Variants in PURG observed in about 807,000 individuals in gnomAD.
PURG encodes the protein purine rich element binding protein G.
PURG carries 3 observed loss-of-function variants against 24.3 expected under a neutral mutation model. That is an observed-to-expected ratio of 0.12 (90% CI 0.06 to 0.32). The LOEUF (loss-of-function observed/expected upper bound fraction) is 0.32. PURG is among the 10% of genes least tolerant of loss of function. The pLI is 1.00. For synonymous variants in PURG, 180 were observed against 173.1 expected (o/e 1.04, Z -0.31); for missense variants, 371 against 439.1 (o/e 0.84, Z 1.39).
intron 1 of PURG, among the ~76,000 whole-genome samples, chr8:31,004,766 T>C (rs572518350): frequency 7.2e-5 from 11 of 152,340 alleles, no homozygotes; most frequent in African/African-American, 2.4e-4. Context: ...ATGGAAACAG[T>C]CATAGGTTTA....
At chr8:31,021,295 T>C (rs1047919501) in intron 1 of PURG, among the ~76,000 whole-genome samples, 2 of 152,160 alleles carry the variant, frequency 1.3e-5, no homozygotes, top group Non-Finnish European at 2.9e-5. Flanking sequence ...TGTAGACCCA[T>C]GGTGAATAGT....
At chr8:30,996,835 A>C in intron 1 of PURG, 2 of 677,812 alleles carry the variant, frequency 3.0e-6, no homozygotes, top group Non-Finnish European at 4.8e-6. Context: ...CTCAATTTTT[A>C]GTTGTGTCTA....
rs1209321395 is a variant in PURG at position 31,031,818 on chromosome 8, C to T, written c.965G>A (p.Arg322Lys). 2 of 1,565,972 alleles carry T rather than the reference C, an allele frequency of 1.3e-6. No individual in the cohort carries two copies. Among genetic ancestry groups the T allele is most frequent in the Non-Finnish European group, 1.7e-6 (2 of 1,154,368 alleles). Residue 322 changes from arginine (R) to lysine (K), a missense_variant, in exon 2 of 2, where the codon AGG becomes AAG. Physicochemically the swap from Arg to Lys is conservative, Grantham distance 26. Coordinates refer to ENST00000523392, the MANE Select transcript of PURG (RefSeq NM_001323311.2). ...TTCTTTATGGCTGTTGCAAATTTTC[C>T]TCATCTCTTCTTCATACTTGATAAA... ...ENFIKYEEEMRKICNSHKEKR... is the reference protein window; with the variant it reads ...ENFIKYEEEMKKICNSHKEKR...
At chr8:31,021,887 CTTAA>C (rs1810998452) in intron 1 of PURG, among the ~76,000 whole-genome samples, 1 of 151,822 alleles carries the variant, frequency 6.6e-6, no homozygotes, top group Non-Finnish European at 1.5e-5. Flanking sequence ...ACTAATAAAT[CTTAA>C]TTGACTCTTC....
rs1585372325 is a variant in PURG, at chr8:31,032,259, T to C, written c.524A>G (p.Tyr175Cys). ...EHPHSVLKTD[Y>C]IERDNRKYYL... ...ATATTTCCTATTGTCCCTCTCGATA[T>C]AGTCTGTTTTCAGGACACTGTGAGG... Residue 175 changes from tyrosine to cysteine, a missense_variant, in exon 2 of 2, where the codon TAT becomes TGT. Transcript: ENST00000523392. The surrounding 1 kb of genome is among the most constrained non-coding windows in gnomAD (Gnocchi z 5.9). 2 of 1,614,096 alleles carry C rather than the reference T, an allele frequency of 1.2e-6. No individual in the cohort carries two copies. Among genetic ancestry groups the C allele is most frequent in the Non-Finnish European group, 1.7e-6 (2 of 1,180,018 alleles).
At chr8:31,015,751 G>A (rs1259957369) in intron 1 of PURG, among the ~76,000 whole-genome samples, 1 of 152,168 alleles carries the variant, frequency 6.6e-6, no homozygotes, top group African/African-American at 2.4e-5. Flanking sequence ...TAGCCTCTCT[G>A]TGTTTAAAGT....
At chr8:31,024,773 AGATTTATACCATTATTTT>A (rs1330517377) in intron 1 of PURG, among the ~76,000 whole-genome samples, 1 of 152,120 alleles carries the variant, frequency 6.6e-6, no homozygotes, top group African/African-American at 2.4e-5. Context: ...TAAGATAATC[AGATTTATACCATTATTTT>A]GATAAAGACA....
chr8:31,002,192 A>G (rs2129774004), intron 1 of PURG, among the ~76,000 whole-genome samples: 1 of 152,344 alleles, frequency 6.6e-6, no homozygotes, highest in Admixed American at 6.5e-5. Context: ...TTAGGGCAGG[A>G]AAGCTAAGAC....
chr8:31,006,728 TAGTG>T (rs1355766375), intron 1 of PURG, among the ~76,000 whole-genome samples: 2 of 152,132 alleles, frequency 1.3e-5, no homozygotes, highest in South Asian at 2.1e-4. Flanking sequence ...AAAATAAAAA[TAGTG>T]AGCAATTTCC....
At chr8:31,010,949 C>CT (rs1810749847) in intron 1 of PURG, among the ~76,000 whole-genome samples, 1 of 152,082 alleles carries the variant, frequency 6.6e-6, no homozygotes, top group Non-Finnish European at 1.5e-5. Context: ...TCATGATTAA[C>CT]TGAATTTATC....
chr8:31,017,519 T>C (rs184345369), intron 1 of PURG, among the ~76,000 whole-genome samples: 5 of 152,266 alleles, frequency 3.3e-5, no homozygotes, highest in South Asian at 4.1e-4. Context: ...ATATAGTTTA[T>C]AGATGTTTGT....
Position 31,009,141 on chromosome 8 carries a change from T to A in PURG, c.865-12444A>T, listed in dbSNP as rs568873075. ...GCCATAAATACAGAAACAGAATAAT[T>A]CGGACAGGTGCAGTGGCTCACACTT... On this transcript the variant is annotated intron_variant, in intron 1 of 1. Transcript: ENST00000339382. Among the ~76,000 whole-genome samples, 4 of 152,162 alleles carry A rather than the reference T, an allele frequency of 2.6e-5. No homozygotes were observed. In the South Asian group the frequency reaches 8.3e-4, roughly 32 times the overall value.
At chr8:31,002,305 T>C (rs965937800) in intron 1 of PURG, among the ~76,000 whole-genome samples, 21 of 152,196 alleles carry the variant, frequency 1.4e-4, no homozygotes, top group Non-Finnish European at 2.8e-4. Flanking sequence ...TTATGCTAAC[T>C]GGTTCTTCCT....
intron 1 of PURG, among the ~76,000 whole-genome samples, chr8:31,024,829 C>T (rs1233401095): frequency 6.6e-6 from 1 of 151,874 alleles, no homozygotes; most frequent in Non-Finnish European, 1.5e-5. Flanking sequence ...TTTTTTTCCC[C>T]AGTCTTACAC....
chr8:31,025,821 T>A (rs1811078261), intron 1 of PURG, among the ~76,000 whole-genome samples: 1 of 151,932 alleles, frequency 6.6e-6, no homozygotes, highest in African/African-American at 2.4e-5. Flanking sequence ...AAAAATTATA[T>A]TGACCATTTT....
At chr8:31,000,360 A>G (rs180822126) in intron 1 of PURG, among the ~76,000 whole-genome samples, 92 of 152,298 alleles carry the variant, frequency 6.0e-4, no homozygotes, top group South Asian at 3.5e-3. Flanking sequence ...AAGATCTCTT[A>G]CTCATGTAAT....
At chr8:31,010,896 T>C (rs1810749070) in intron 1 of PURG, among the ~76,000 whole-genome samples, 1 of 152,218 alleles carries the variant, frequency 6.6e-6, no homozygotes, top group Non-Finnish European at 1.5e-5. Flanking sequence ...ATTTCATAAT[T>C]AATGACCAGT....
chr8:31,025,407 T>G (rs890176286), intron 1 of PURG, among the ~76,000 whole-genome samples: 1 of 152,000 alleles, frequency 6.6e-6, no homozygotes, highest in African/African-American at 2.4e-5. Flanking sequence ...CTCTTTCATT[T>G]TGTAAACAGG....
chr8:31,015,468 AT>A (rs1029267666), intron 1 of PURG, among the ~76,000 whole-genome samples: 3 of 152,128 alleles, frequency 2.0e-5, no homozygotes, highest in Admixed American at 6.5e-5. Context: ...CTGCATATAT[AT>A]TTTAAAAAAA....
Sources: allele counts gnomAD v4.1 joint callset (sites outside exome capture counted in the v4.1 genomes callset), GRCh38; gene constraint gnomAD v4.1.1; non-coding constraint Gnocchi (gnomAD v3.1); transcripts MANE v1.5; gene names NCBI Gene and HGNC (gene_info 2026-07-23, HGNC 2026-07-21).